The following FAM193A variants were observed in gnomAD, a reference collection of about 807,000 sequenced individuals.
FAM193A encodes protein FAM193A.
Under a neutral mutation model 126.5 loss-of-function variants are expected in FAM193A, and 22 were observed. The observed-to-expected ratio is 0.17, with a 90% CI of 0.12 to 0.25. The LOEUF (loss-of-function observed/expected upper bound fraction) is 0.25. FAM193A is among the 10% of genes least tolerant of loss of function. The probability of loss-of-function intolerance (pLI) is 1.00; values close to 1 mark genes in which losing one functional copy is unlikely to be tolerated. For missense variants in FAM193A, 1,675 were observed against 1,672.8 expected, an observed-to-expected ratio of 1.00 and a Z score of -0.02; for synonymous variants, 761 against 646.8, an observed-to-expected ratio of 1.18 and a Z score of -2.68.
At chr4:2,588,878 A>G (rs910122581) in intron 1 of FAM193A, among the ~76,000 whole-genome samples, 2 of 152,202 alleles carry the variant, frequency 1.3e-5, no homozygotes, top group African/African-American at 4.8e-5. Context: ...TGACCTTAGT[A>G]GATTAACTTT....
chr4:2,601,927 C>G (rs1741222644), intron 2 of FAM193A, among the ~76,000 whole-genome samples: 1 of 152,112 alleles, frequency 6.6e-6, no homozygotes, highest in African/African-American at 2.4e-5. Context: ...TAACCTCCAC[C>G]TCCCAGGTTC....
rs34029424 is a variant in FAM193A at position 2,728,896 on chromosome 4, C to CTTTTTTTTTTT, written c.4455-2863_4455-2853dup. On this transcript the variant is annotated intron_variant, in intron 20 of 20. Coordinates refer to ENST00000637812, the MANE Select transcript of FAM193A (RefSeq NM_001366318.2). ...AAGCAAATATGTTCCACCTCCAAAA[C>CTTTTTTTTTTT]TTTTTTTTTTTTTTTTTTTTTTTTT... is the stretch of plus-strand genomic sequence containing the variant. Among the ~76,000 whole-genome samples, 19 of 97,144 alleles carry CTTTTTTTTTTT rather than the reference C, an allele frequency of 2.0e-4. 2 individuals are homozygous for CTTTTTTTTTTT. Among genetic ancestry groups the CTTTTTTTTTTT allele is most frequent in the African/African-American group, 7.3e-4 (14 of 19,298 alleles). 63.7% of individuals were successfully genotyped at this position (97,144 alleles called of 152,430 possible).
intron 2 of FAM193A, among the ~76,000 whole-genome samples, chr4:2,611,767 C>T (rs1335410461): frequency 2.0e-5 from 3 of 152,016 alleles, no homozygotes; most frequent in Non-Finnish European, 2.9e-5. Flanking sequence ...TTTCTCTCAG[C>T]GTGTGACTGG....
chr4:2,640,612 G>A (rs376910071), intron 6 of FAM193A, among the ~76,000 whole-genome samples: 2 of 152,158 alleles, frequency 1.3e-5, no homozygotes, highest in Non-Finnish European at 2.9e-5. Context: ...TTTACCACAT[G>A]TGAGCACATT....
intron 1 of FAM193A, among the ~76,000 whole-genome samples, chr4:2,571,844 C>G (rs1171683364): frequency 4.6e-5 from 7 of 151,158 alleles, no homozygotes; most frequent in Non-Finnish European, 3.0e-5. Context: ...TCTGCCTAGA[C>G]CAGAACTTTT....
At chr4:2,548,541 C>G (rs1309813923) in intron 1 of FAM193A, among the ~76,000 whole-genome samples, 1 of 152,042 alleles carries the variant, frequency 6.6e-6, no homozygotes, top group African/African-American at 2.4e-5. Context: ...ACTGCAGCCT[C>G]CGCCTCCCAG....
At chr4:2,704,005 C>T (rs1718029396) in intron 19 of FAM193A, among the ~76,000 whole-genome samples, 1 of 152,022 alleles carries the variant, frequency 6.6e-6, no homozygotes, top group South Asian at 2.1e-4. Context: ...TGGTGGCTCA[C>T]GCCTGTTATC....
intron 20 of FAM193A, among the ~76,000 whole-genome samples, chr4:2,726,888 T>C (rs541779435): frequency 1.4e-5 from 2 of 142,498 alleles, no homozygotes; most frequent in South Asian, 4.5e-4. Flanking sequence ...AAGAGGAGGT[T>C]GTAGTGAGCC....
In FAM193A at chr4:2,626,447, C is replaced by T. The variant is rs1389409399; in HGVS notation, c.673C>T (p.Leu225=). 1.4e-6 allele frequency: 1 copy of T among 700,830 alleles called. No homozygotes were observed. Among genetic ancestry groups the T allele is most frequent in the Non-Finnish European group, 2.6e-6 (1 of 383,274 alleles). The allele number at this position is 700,830 out of a possible 1,614,324, so 43.4% of individuals were successfully genotyped here. The part of the protein sequence containing the change: ...SAEADREPQQ[L]QNYWSEVRYT... ...AGAGGCGGACCGGGAACCTCAGCAG[C>T]TGCAGAACTACTGGTCAGAAGTGCG... The change falls in exon 4 of 21, where the codon CTG becomes TTG. Residue 225 remains leucine, a synonymous_variant. Coordinates refer to ENST00000637812, the MANE Select transcript of FAM193A (RefSeq NM_001366318.2).
At chr4:2,556,957 C>T (rs1292433901) in intron 1 of FAM193A, among the ~76,000 whole-genome samples, 2 of 152,034 alleles carry the variant, frequency 1.3e-5, no homozygotes, top group African/African-American at 4.8e-5. Context: ...TTTAGATTTA[C>T]AGAAAAGTCA....
intron 19 of FAM193A, among the ~76,000 whole-genome samples, chr4:2,703,700 A>T (rs1262438170): frequency 6.7e-6 from 1 of 149,588 alleles, no homozygotes; most frequent in Non-Finnish European, 1.5e-5. Flanking sequence ...GTGGTGGCTC[A>T]CGCCTGTAAT....
chr4:2,549,852 C>G (rs1737801434), intron 1 of FAM193A, among the ~76,000 whole-genome samples: 1 of 151,916 alleles, frequency 6.6e-6, no homozygotes, highest in Non-Finnish European at 1.5e-5. Context: ...CTCACCCTCC[C>G]AAGTAGCTGG....
chr4:2,695,486 G>GAAC, intron 17 of FAM193A, among the ~76,000 whole-genome samples: 1 of 151,996 alleles, frequency 6.6e-6, no homozygotes, highest in Non-Finnish European at 1.5e-5. Context: ...AGAGGGCGTT[G>GAAC]GTACACACAC....
At chr4:2,634,345 C>G (rs1186149458) in intron 5 of FAM193A, among the ~76,000 whole-genome samples, 1 of 152,166 alleles carries the variant, frequency 6.6e-6, no homozygotes. Flanking sequence ...GCATGCAGAT[C>G]ACCTCTGGAA....
chr4:2,622,919 GC>G, intron 2 of FAM193A, among the ~76,000 whole-genome samples: 1 of 152,266 alleles, frequency 6.6e-6, no homozygotes, highest in Admixed American at 6.5e-5. Flanking sequence ...TCAGAACAGA[GC>G]AAAACATTCA....
chr4:2,700,023 C>T lies in FAM193A; in HGVS notation c.3851C>T (p.Ser1284Leu), dbSNP rs201303704. Residue 1284 changes from serine (S) to leucine (L), a missense_variant, in exon 19 of 21, where the codon TCA becomes TTA. Ser to Leu is a moderately radical substitution (Grantham distance 145, BLOSUM62 -2). Coordinates refer to ENST00000637812, the MANE Select transcript of FAM193A (RefSeq NM_001366318.2). ...SHSPSRHMNH[S>L]EPRPGLGADG... ...TCCCCATCCAGGCATATGAACCACT[C>T]AGAGCCCAGGCCAGGGCTAGGGGCT... 6 of 1,613,886 alleles carry T rather than the reference C, an allele frequency of 3.7e-6. No homozygotes were observed. The East Asian group carries it at 8.9e-5, about 24-fold the overall frequency.
intron 13 of FAM193A, 71 bp downstream of exon 13, chr4:2,672,443 A>C: frequency 6.4e-7 from 1 of 1,550,694 alleles, no homozygotes. Flanking sequence ...TAGTCAAACA[A>C]AGAAATCTGT....
intron 2 of FAM193A, among the ~76,000 whole-genome samples, chr4:2,615,672 C>G (rs972799353): frequency 6.6e-6 from 1 of 152,060 alleles, no homozygotes; most frequent in Non-Finnish European, 1.5e-5. Context: ...GCGTGCGCCA[C>G]CACGCCCAGG....
intron 15 of FAM193A, among the ~76,000 whole-genome samples, chr4:2,692,354 G>A (rs11945928): frequency 0.1 from 15,362 of 152,186 alleles, 1,600 homozygotes; most frequent in African/African-American, 0.27. Context: ...CGCTTCAGTT[G>A]TTTCCACTGG....
Sources: allele counts gnomAD v4.1 joint callset (sites outside exome capture counted in the v4.1 genomes callset), GRCh38; gene constraint gnomAD v4.1.1; transcripts MANE v1.5; gene names NCBI Gene and HGNC (gene_info 2026-07-23, HGNC 2026-07-21).